The following RORA variants were observed in gnomAD, a reference collection of about 807,000 sequenced individuals.
The protein encoded by RORA is nuclear receptor ROR-alpha.
Under a neutral mutation model 69.5 loss-of-function variants are expected in RORA, and 7 were observed. The ratio of observed to expected loss-of-function variants is 0.10; its 90% CI spans 0.06 to 0.19. The LOEUF is 0.19. Among genes scored for constraint, RORA ranks in the 10% least tolerant of loss-of-function variants. The probability of loss-of-function intolerance (pLI) is 1.00; values close to 1 mark genes in which losing one functional copy is unlikely to be tolerated. For missense variants in RORA, 457 were observed against 663.0 expected (o/e 0.69, Z 3.41); for synonymous variants, 261 against 240.8 (o/e 1.08, Z -0.78).
chr15:61,179,372 G>A (rs191867369), intron 1 of RORA, among the ~76,000 whole-genome samples: 83 of 152,302 alleles, frequency 5.4e-4, no homozygotes, highest in African/African-American at 1.9e-3. Context: ...TATTAAGCCA[G>A]ACATAAAAGA....
At chr15:61,168,757 G>A (rs950007836) in intron 1 of RORA, among the ~76,000 whole-genome samples, 1 of 152,000 alleles carries the variant, frequency 6.6e-6, no homozygotes, top group African/African-American at 2.4e-5. Context: ...TGCTGGGCTT[G>A]AAATCAAAAC....
At chr15:60,796,081 C>A (rs1373490760) in intron 1 of RORA, among the ~76,000 whole-genome samples, 1 of 152,210 alleles carries the variant, frequency 6.6e-6, no homozygotes, top group East Asian at 1.9e-4. Flanking sequence ...TGGTTCTTGA[C>A]AGAACTGAAA....
chr15:61,069,603 C>A (rs970741945), intron 1 of RORA, among the ~76,000 whole-genome samples: 2 of 151,986 alleles, frequency 1.3e-5, no homozygotes, highest in African/African-American at 4.8e-5. Flanking sequence ...AATTACATTC[C>A]CAAAACCCCA....
chr15:60,685,324 G>T (rs1345645322), intron 1 of RORA, among the ~76,000 whole-genome samples: 2 of 152,212 alleles, frequency 1.3e-5, no homozygotes, highest in Non-Finnish European at 2.9e-5. Context: ...CTTCCTCATT[G>T]TGAGGCGCTA....
chr15:60,958,729 G>A (rs899420965), intron 1 of RORA, among the ~76,000 whole-genome samples: 5 of 152,172 alleles, frequency 3.3e-5, no homozygotes, highest in Non-Finnish European at 5.9e-5. Context: ...AATGGCAGCC[G>A]TGGCTGTCAT....
chr15:61,204,635 G>A (rs1418732992), intron 1 of RORA, among the ~76,000 whole-genome samples: 1 of 152,234 alleles, frequency 6.6e-6, no homozygotes, highest in East Asian at 1.9e-4. Context: ...AAGAACATGA[G>A]ATATGAGATT....
chr15:61,068,238 C>G (rs813639), intron 1 of RORA, among the ~76,000 whole-genome samples: 115,700 of 152,168 alleles, frequency 0.76, 44,502 homozygotes, highest in African/African-American at 0.87. Context: ...GTATTTCTCT[C>G]TTAGAAAGAT....
At chr15:61,130,472 G>A (rs1394422718) in intron 1 of RORA, among the ~76,000 whole-genome samples, 13 of 152,202 alleles carry the variant, frequency 8.5e-5, no homozygotes, top group Non-Finnish European at 1.8e-4. Context: ...CTTTGTGGAC[G>A]CACTGCCTTT....
chr15:60,935,598 G>A (rs1043518597), intron 1 of RORA, among the ~76,000 whole-genome samples: 15 of 152,184 alleles, frequency 9.9e-5, no homozygotes, highest in African/African-American at 3.4e-4. Context: ...GGTCATTGTC[G>A]AGAGTCTATA....
intron 1 of RORA, among the ~76,000 whole-genome samples, chr15:60,979,243 C>T (rs971938053): frequency 6.9e-6 from 1 of 144,894 alleles, no homozygotes; most frequent in East Asian, 2.1e-4. Flanking sequence ...GGATTAAAGG[C>T]GTGAGCCACC....
chr15:60,523,140 G>A (rs1314559563), intron 3 of RORA, among the ~76,000 whole-genome samples: 1 of 151,994 alleles, frequency 6.6e-6, no homozygotes, highest in Non-Finnish European at 1.5e-5. Flanking sequence ...AACATAAAAA[G>A]TGGAAGAAAT....
At chr15:61,207,073 T>C (rs2079948527) in intron 1 of RORA, among the ~76,000 whole-genome samples, 1 of 140,150 alleles carries the variant, frequency 7.1e-6, no homozygotes, top group South Asian at 2.4e-4. Flanking sequence ...TGTCTGTGTA[T>C]ACGTGTGTGT....
intron 1 of RORA, among the ~76,000 whole-genome samples, chr15:60,929,928 C>T (rs1223470684): frequency 1.3e-5 from 2 of 152,036 alleles, no homozygotes; most frequent in Non-Finnish European, 2.9e-5. Flanking sequence ...GTTTATGGAG[C>T]ACATTTTGGA....
chr15:60,852,518 C>T (rs1002468737), intron 1 of RORA, among the ~76,000 whole-genome samples: 1 of 152,194 alleles, frequency 6.6e-6, no homozygotes, highest in African/African-American at 2.4e-5. Context: ...GGTCCTGGCA[C>T]ACCGTAGGTG....
intron 1 of RORA, among the ~76,000 whole-genome samples, chr15:61,030,419 GA>G (rs1896100372): frequency 1.3e-5 from 2 of 152,276 alleles, no homozygotes; most frequent in South Asian, 4.1e-4. Context: ...ATTCTCAGAT[GA>G]TTGAGAAGAA....
intron 2 of RORA, among the ~76,000 whole-genome samples, chr15:60,636,235 TTG>T (rs1240771771): frequency 1.3e-5 from 2 of 152,172 alleles, no homozygotes; most frequent in African/African-American, 2.4e-5. Flanking sequence ...CCACCCAGGC[TTG>T]GAAGACAGGT....
chr15:60,819,765 A>ACACACACACACACACACACGCG (rs2072866836), intron 1 of RORA, among the ~76,000 whole-genome samples: 2 of 124,448 alleles, frequency 1.6e-5, no homozygotes, highest in Admixed American at 8.9e-5. Context: ...ACACACACAC[A>ACACACACACACACACACACGCG]CACACACACA....
rs2065032710 is a variant in RORA, at chr15:60,491,066, C to T, written c.*6389G>A. ...TTTACCACTGTTTAATATGAGATTT[C>T]AAACTGTGTGGATAACAGGAGAATT... On this transcript the variant is annotated 3_prime_UTR_variant, in exon 11 of 11. Coordinates refer to ENST00000335670, the MANE Select transcript of RORA (RefSeq NM_134261.3). 1 of 152,132 alleles carries T rather than the reference C, an allele frequency of 6.6e-6. No individual in the cohort carries two copies. Among genetic ancestry groups the T allele is most frequent in the South Asian group, 2.1e-4 (1 of 4,826 alleles). 9.4% of individuals were successfully genotyped at this position (152,132 alleles called of 1,614,324 possible).
intron 1 of RORA, among the ~76,000 whole-genome samples, chr15:61,121,522 T>C (rs905320003): frequency 1.3e-5 from 2 of 152,164 alleles, no homozygotes. Context: ...CCTTAGCTAC[T>C]TGCACGTCTC....
Sources: gnomAD v4.1 joint callset for allele counts (sites outside exome capture counted in the v4.1 genomes callset) on GRCh38, gnomAD v4.1.1 for gene constraint, MANE v1.5 for transcripts, NCBI Gene and HGNC (gene_info 2026-07-23, HGNC 2026-07-21) for gene names.